Variants in FBXO15 observed in about 807,000 individuals in gnomAD.
FBXO15 encodes F-box protein 15.
A neutral mutation model predicts 49.5 loss-of-function variants in FBXO15; 30 were observed. That is an observed-to-expected ratio of 0.61 (90% confidence interval 0.45 to 0.82). The LOEUF is 0.82. Ranked by LOEUF, FBXO15 falls within the 40% of genes least tolerant of loss-of-function variation. The pLI is 0.00. For synonymous variants in FBXO15, 250 were observed against 232.7 expected (o/e 1.07, Z -0.68); for missense variants, 591 against 631.5 (o/e 0.94, Z 0.69).
In FBXO15 at chr18:74,147,687, G is replaced by A; in HGVS notation, c.99C>T (p.Ala33=). 1 of 1,499,206 alleles carries A rather than the reference G, an allele frequency of 6.7e-7. No homozygotes were observed. Among genetic ancestry groups the A allele is most frequent in the Non-Finnish European group, 8.9e-7 (1 of 1,128,836 alleles). 92.9% of individuals were successfully genotyped at this position (1,499,206 alleles called of 1,614,324 possible). ...ACAGTCACCTGCACCCAAAGGCCCT[G>A]GCGCGCCCCCGGGCCGCGCCACCGC... ...SRGGGAARGR[A]RAFGCRKGPG... The change falls in exon 1 of 10, where the codon GCC becomes GCT. Residue 33 remains alanine, a synonymous_variant. Coordinates refer to ENST00000419743, the MANE Select transcript of FBXO15 (RefSeq NM_001142958.2).
chr18:74,139,955 C>T (rs951820877), intron 2 of FBXO15, among the ~76,000 whole-genome samples: 3 of 152,124 alleles, frequency 2.0e-5, no homozygotes, highest in African/African-American at 4.8e-5. Context: ...TTTTGAAGAA[C>T]GTTTTAATAA....
At chr18:74,110,215 T>TGCATATATA (rs1913962637) in intron 8 of FBXO15, among the ~76,000 whole-genome samples, 1 of 86,716 alleles carries the variant, frequency 1.2e-5, no homozygotes, top group Non-Finnish European at 2.5e-5. Flanking sequence ...ATATATATGT[T>TGCATATATA]TATGTATAAG....
At chr18:74,117,350 A>T (rs933979682) in intron 8 of FBXO15, among the ~76,000 whole-genome samples, 1 of 152,112 alleles carries the variant, frequency 6.6e-6, no homozygotes, top group African/African-American at 2.4e-5. Flanking sequence ...ACAACCATAT[A>T]ACCATCAAGG....
At chr18:74,118,465 G>C (rs1272246138) in intron 8 of FBXO15, among the ~76,000 whole-genome samples, 1 of 140,016 alleles carries the variant, frequency 7.1e-6, no homozygotes, top group Non-Finnish European at 1.6e-5. Context: ...AAACATCAAG[G>C]GGTCTATTAA....
chr18:74,103,815 ACAC>A (rs1428516084), intron 8 of FBXO15, among the ~76,000 whole-genome samples: 2 of 152,188 alleles, frequency 1.3e-5, no homozygotes, highest in Non-Finnish European at 2.9e-5. Context: ...AGTATCTCCC[ACAC>A]AAACAAAAGC....
At chr18:74,106,138 A>G (rs556145542) in intron 8 of FBXO15, among the ~76,000 whole-genome samples, 2 of 151,766 alleles carry the variant, frequency 1.3e-5, no homozygotes, top group African/African-American at 2.4e-5. Flanking sequence ...GTAAGGGTAC[A>G]GGAATCTGTA....
chr18:74,098,475 G>A (rs746125874), intron 8 of FBXO15: 1 of 152,128 alleles, frequency 6.6e-6, no homozygotes, highest in Non-Finnish European at 1.5e-5. Context: ...AAATGCTCAG[G>A]AAAGTCTCAG....
chr18:74,101,044 C>A (rs898052125), intron 8 of FBXO15, among the ~76,000 whole-genome samples: 1 of 152,010 alleles, frequency 6.6e-6, no homozygotes, highest in African/African-American at 2.4e-5. Context: ...GAATCCTCCC[C>A]AGATCATTCT....
At chr18:74,124,205 A>G (rs1444823415) in intron 7 of FBXO15, among the ~76,000 whole-genome samples, 2 of 152,240 alleles carry the variant, frequency 1.3e-5, no homozygotes, top group Non-Finnish European at 2.9e-5. Context: ...TAAGAGCAAG[A>G]ACTTGAAGGA....
intron 5 of FBXO15, among the ~76,000 whole-genome samples, chr18:74,127,081 C>T (rs577103309): frequency 7.2e-5 from 11 of 152,320 alleles, no homozygotes; most frequent in African/African-American, 1.9e-4. Context: ...AGTGACTTTG[C>T]GACTATCACA....
At chr18:74,146,134 C>T (rs1051274087) in intron 1 of FBXO15, among the ~76,000 whole-genome samples, 1 of 152,120 alleles carries the variant, frequency 6.6e-6, no homozygotes, top group African/African-American at 2.4e-5. Context: ...TCTGGCAAAT[C>T]AAATAAATTA....
rs1049731615 is a variant in FBXO15 at position 74,130,624 on chromosome 18, A to G, written c.367T>C (p.Ser123Pro). ...AATTTCCAATTTGATCTTGCAGGTG[A>G]AAAAGCAGTTGAGTAGATTCCGATC... ...IWIGIYSTAF[S>P]PARSNWKFNS... The change falls in exon 4 of 10, where the codon TCA (serine) becomes CCA (proline). Residue 123 changes from serine to proline, a missense_variant. Transcript: ENST00000419743. 2 of 1,613,926 alleles carry G rather than the reference A, an allele frequency of 1.2e-6. No individual in the cohort carries two copies. The highest frequency in any genetic ancestry group is 3.3e-5 in the Admixed American group (2 of 59,998).
At chr18:74,093,079 G>T (rs79419371) in intron 8 of FBXO15, among the ~76,000 whole-genome samples, 6,706 of 152,238 alleles carry the variant, frequency 0.044, 201 homozygotes, top group Middle Eastern at 0.12. Context: ...GCAACACAGG[G>T]TGGGGGCAGG....
intron 8 of FBXO15, among the ~76,000 whole-genome samples, chr18:74,114,552 ACT>A (rs1914151287): frequency 6.6e-6 from 1 of 152,236 alleles, no homozygotes; most frequent in Non-Finnish European, 1.5e-5. Context: ...ACCCACAGGC[ACT>A]GTTACAAGTT....
At chr18:74,111,720 A>G (rs981014995) in intron 8 of FBXO15, among the ~76,000 whole-genome samples, 1 of 152,156 alleles carries the variant, frequency 6.6e-6, no homozygotes, top group African/African-American at 2.4e-5. Context: ...AAAACAGAAG[A>G]TCAATGCAGA....
At chr18:74,110,837 A>G (rs549964759) in intron 8 of FBXO15, among the ~76,000 whole-genome samples, 1 of 152,346 alleles carries the variant, frequency 6.6e-6, no homozygotes, top group Non-Finnish European at 1.5e-5. Flanking sequence ...ACTGATAAAG[A>G]GATCAACTTT....
chr18:74,080,652 T>C (rs1912454530), intron 9 of FBXO15, among the ~76,000 whole-genome samples: 1 of 152,252 alleles, frequency 6.6e-6, no homozygotes, highest in African/African-American at 2.4e-5. Context: ...TGTGAGTGCA[T>C]CTGCTGCTAA....
intron 2 of FBXO15, among the ~76,000 whole-genome samples, chr18:74,138,096 T>A (rs1009491052): frequency 1.3e-5 from 2 of 152,108 alleles, no homozygotes; most frequent in Non-Finnish European, 2.9e-5. Flanking sequence ...CCTGAATCTC[T>A]CATCTGAAAC....
Position 74,130,460 on chromosome 18 carries a change from G to T in FBXO15, c.531C>A (p.Val177=). ...KAALADILKP[V]NPYTGLPVKT... Reference sequence around the variant, plus strand: ...TAACTGGAAGGCCTGTGTAAGGGTTGACAGGTTTGAGAATGTCAGCTAGTG... The same window carrying T: ...TAACTGGAAGGCCTGTGTAAGGGTTTACAGGTTTGAGAATGTCAGCTAGTG... The change falls in exon 4 of 10, where the codon GTC becomes GTA. Residue 177 remains valine (V), a synonymous_variant. Coordinates refer to ENST00000419743, the MANE Select transcript of FBXO15 (RefSeq NM_001142958.2). 1 of 1,614,202 alleles carries T rather than the reference G, an allele frequency of 6.2e-7. No homozygotes were observed. The highest frequency in any genetic ancestry group is 8.5e-7 in the Non-Finnish European group (1 of 1,180,030).
Sources: allele counts gnomAD v4.1 joint callset (sites outside exome capture counted in the v4.1 genomes callset), GRCh38; gene constraint gnomAD v4.1.1; transcripts MANE v1.5; gene names NCBI Gene and HGNC (gene_info 2026-07-23, HGNC 2026-07-21).